ARAP2: variants seen among roughly 807,000 people sequenced by gnomAD.
The protein encoded by ARAP2 is ArfGAP with RhoGAP domain, ankyrin repeat and PH domain 2.
Under a neutral mutation model 194.5 loss-of-function variants are expected in ARAP2, and 148 were observed. The observed-to-expected ratio is 0.76, with a 90% CI of 0.67 to 0.87. The LOEUF (loss-of-function observed/expected upper bound fraction) is 0.87, where lower values mean the gene tolerates loss of function less well. Among genes scored for constraint, ARAP2 ranks in the 40% least tolerant of loss-of-function variants. The probability of loss-of-function intolerance (pLI) is 0.00; values close to 1 mark genes in which losing one functional copy is unlikely to be tolerated. For synonymous variants in ARAP2, 695 were observed against 683.5 expected (o/e 1.02, Z -0.26); for missense variants, 2,128 against 1,989.7 (o/e 1.07, Z -1.32).
At chr4:36,011,975 G>A (rs1425978556) in intron 9 of ARAP2, among the ~76,000 whole-genome samples, 1 of 152,120 alleles carries the variant, frequency 6.6e-6, no homozygotes, top group Non-Finnish European at 1.5e-5. Flanking sequence ...GCAGGGATGT[G>A]TTAGATTTAT....
chr4:36,126,553 A>T (rs1341613641), intron 21 of ARAP2, among the ~76,000 whole-genome samples: 1 of 152,000 alleles, frequency 6.6e-6, no homozygotes, highest in Non-Finnish European at 1.5e-5. Flanking sequence ...ACATCAAAAG[A>T]GTTTTATGAA....
chr4:36,194,381 T>C (rs1168612372), intron 6 of ARAP2, among the ~76,000 whole-genome samples: 2 of 152,188 alleles, frequency 1.3e-5, no homozygotes, highest in Non-Finnish European at 2.9e-5. Flanking sequence ...TATATTCTCC[T>C]TCCCTGAAGG....
intron 6 of ARAP2, among the ~76,000 whole-genome samples, chr4:36,201,764 GTTTAA>G (rs1184990518): frequency 6.6e-6 from 1 of 150,784 alleles, no homozygotes; most frequent in African/African-American, 2.4e-5. Flanking sequence ...AGGCACTCTT[GTTTAA>G]TTTAATTCCT....
At chr4:36,043,381 G>T (rs1721197270) in intron 5 of ARAP2, among the ~76,000 whole-genome samples, 1 of 152,096 alleles carries the variant, frequency 6.6e-6, no homozygotes, top group African/African-American at 2.4e-5. Flanking sequence ...TTTAACTAGG[G>T]TCTTCTGAAA....
At chr4:36,031,322 A>G (rs1424884730) in intron 5 of ARAP2, among the ~76,000 whole-genome samples, 1 of 152,174 alleles carries the variant, frequency 6.6e-6, no homozygotes, top group East Asian at 1.9e-4. Context: ...TTCCCCATGA[A>G]ATACATTATG....
In ARAP2 at chr4:36,068,260, C is replaced by G; in HGVS notation, c.4762G>C (p.Glu1588Gln). ...CACTTTTCACTGAGCCGCAGCCTTT[C>G]AAGTTCTGCTCTTGCACTCTAAAAA... The part of the protein sequence containing the change: ...KNIESARAEL[E>Q]RLRLSEKCDK... Residue 1588 changes from glutamate (E) to glutamine (Q), a missense_variant, in exon 33 of 33, where the codon GAA becomes CAA. Coordinates refer to ENST00000303965, the MANE Select transcript of ARAP2 (RefSeq NM_015230.4). 6.4e-7 allele frequency: 1 copy of G among 1,558,508 alleles called. No homozygotes were observed. Among genetic ancestry groups the G allele is most frequent in the Non-Finnish European group, 8.7e-7 (1 of 1,154,840 alleles).
At position 36,091,953 on chromosome 4, in the gene ARAP2, T is replaced by C. The variant is rs763219131; in HGVS notation, c.4353A>G (p.Leu1451=). ...LKIKEEPSKI[L]SGNKFQDRYF... Reference sequence around the variant, plus strand: ...ACCGGTCTTGAAACTTATTTCCAGATAGTATTTTGGATGGTTCTTCTTTGA... The same window carrying C: ...ACCGGTCTTGAAACTTATTTCCAGACAGTATTTTGGATGGTTCTTCTTTGA... The change falls in exon 28 of 33, where the codon CTA becomes CTG. Residue 1451 remains leucine (L), a synonymous_variant. Coordinates refer to ENST00000303965, the MANE Select transcript of ARAP2 (RefSeq NM_015230.4). 1.9e-6 allele frequency: 3 copies of C among 1,608,824 alleles called. No individual in the cohort carries two copies. The highest frequency in any genetic ancestry group is 1.3e-5 in the African/African-American group (1 of 74,852).
intron 2 of ARAP2, among the ~76,000 whole-genome samples, chr4:36,219,448 C>T (rs548294321): frequency 1.3e-5 from 2 of 152,236 alleles, no homozygotes; most frequent in Admixed American, 1.3e-4. Flanking sequence ...ATATAAAATT[C>T]CCAAATAGGC....
At chr4:36,093,087 A>G (rs1714168852) in intron 27 of ARAP2, among the ~76,000 whole-genome samples, 1 of 152,126 alleles carries the variant, frequency 6.6e-6, no homozygotes, top group Admixed American at 6.6e-5. Flanking sequence ...CATTATCCTT[A>G]GCAAACTAAG....
chr4:36,191,016 G>T (rs1282023589), intron 7 of ARAP2, among the ~76,000 whole-genome samples: 1 of 152,210 alleles, frequency 6.6e-6, no homozygotes, highest in Non-Finnish European at 1.5e-5. Flanking sequence ...GCAACCTAAG[G>T]ATGTGGGAAA....
chr4:36,072,893 C>G (rs1265435757), intron 32 of ARAP2, among the ~76,000 whole-genome samples: 1 of 152,132 alleles, frequency 6.6e-6, no homozygotes, highest in Non-Finnish European at 1.5e-5. Context: ...GCTTAAAAAT[C>G]TGATCACTAG....
Position 36,225,052 on chromosome 4 carries a change from A to C in ARAP2, c.905+3530T>G, listed in dbSNP as rs549916513. Reference sequence around the variant, plus strand: ...TCCAAGATTTTTATTTTTAATAAAAAGTTCAAAGAACACAGGAGACTTCAG... The same window carrying C: ...TCCAAGATTTTTATTTTTAATAAAACGTTCAAAGAACACAGGAGACTTCAG... On this transcript the variant is annotated intron_variant, in intron 2 of 32. Transcript: ENST00000303965. Among the ~76,000 whole-genome samples the C allele has an allele frequency of 1.6e-4, 25 of 152,326 alleles. No homozygotes were observed. In the East Asian group the frequency reaches 4.6e-3, roughly 28 times the overall value.
intron 5 of ARAP2, among the ~76,000 whole-genome samples, chr4:36,034,912 A>G (rs1295945916): frequency 6.6e-6 from 1 of 152,084 alleles, no homozygotes; most frequent in Non-Finnish European, 1.5e-5. Context: ...CATATGTTGA[A>G]CCAACCTTGC....
intron 27 of ARAP2, among the ~76,000 whole-genome samples, chr4:36,102,497 TAGTG>T (rs1391265015): frequency 2.6e-5 from 4 of 152,048 alleles, no homozygotes; most frequent in East Asian, 1.9e-4. Context: ...TATGTACTTT[TAGTG>T]AGTAAGAGTA....
rs115972193 is a variant in ARAP2 at position 36,095,522 on chromosome 4, T to A, written c.4286-3502A>T. 9.1e-3 allele frequency among the ~76,000 whole-genome samples: 1,388 copies of A among 152,236 alleles called. 18 individuals carry two copies. The highest frequency in any genetic ancestry group is 0.031 in the African/African-American group (1,306 of 41,548). ...CAAAACCAAAAAGCACAATACACTTTGTGCTCCTGTGTACTGTAATTTGTT... is the reference window on the plus strand; with the variant it reads ...CAAAACCAAAAAGCACAATACACTTAGTGCTCCTGTGTACTGTAATTTGTT... On this transcript the variant is annotated intron_variant, in intron 27 of 32. Coordinates refer to ENST00000303965, the MANE Select transcript of ARAP2 (RefSeq NM_015230.4).
intron 10 of ARAP2, 60 bp downstream of exon 10, chr4:36,166,872 G>A (rs1321900717): frequency 4.0e-6 from 4 of 1,000,636 alleles, no homozygotes; most frequent in Non-Finnish European, 5.8e-6. Flanking sequence ...ACAACATAAA[G>A]GTGGATCACC....
At chr4:36,137,893 C>G (rs1272020104) in intron 19 of ARAP2, among the ~76,000 whole-genome samples, 2 of 151,718 alleles carry the variant, frequency 1.3e-5, no homozygotes, top group Non-Finnish European at 2.9e-5. Flanking sequence ...ACCTAAGATT[C>G]ATGAAACAGA....
intron 32 of ARAP2, among the ~76,000 whole-genome samples, chr4:36,071,413 C>T (rs998753023): frequency 1.1e-4 from 17 of 152,156 alleles, no homozygotes; most frequent in African/African-American, 4.1e-4. Context: ...TTTGCCTCTT[C>T]ATGTGTGATT....
intron 9 of ARAP2, among the ~76,000 whole-genome samples, chr4:36,007,715 T>C (rs1713587550): frequency 6.6e-6 from 1 of 152,198 alleles, no homozygotes; most frequent in African/African-American, 2.4e-5. Flanking sequence ...TCAACTGACA[T>C]TGAATCTCAA....
Sources: allele counts gnomAD v4.1 joint callset (sites outside exome capture counted in the v4.1 genomes callset), GRCh38; gene constraint gnomAD v4.1.1; transcripts MANE v1.5; gene names NCBI Gene and HGNC (gene_info 2026-07-23, HGNC 2026-07-21).